Variants in PEAK1 observed in about 807,000 individuals in gnomAD.
PEAK1 encodes the protein inactive tyrosine-protein kinase PEAK1.
Under a neutral mutation model 124.7 loss-of-function variants are expected in PEAK1, and 54 were observed. The ratio of observed to expected loss-of-function variants is 0.43; its 90% CI spans 0.35 to 0.54. PEAK1 has a LOEUF of 0.54. Ranked by LOEUF, PEAK1 falls within the 20% of genes least tolerant of loss-of-function variation. The probability of loss-of-function intolerance (pLI) is 0.01; values close to 1 mark genes in which losing one functional copy is unlikely to be tolerated. For synonymous variants in PEAK1, 719 were observed against 760.0 expected (o/e 0.95, Z 0.89); for missense variants, 2,046 against 2,134.5 (o/e 0.96, Z 0.82).
intron 5 of PEAK1, among the ~76,000 whole-genome samples, chr15:77,261,454 C>T (rs1406319588): frequency 1.3e-5 from 2 of 152,030 alleles, no homozygotes; most frequent in East Asian, 3.8e-4. Context: ...AAAACCACGG[C>T]ACGAGAACTA....
chr15:77,199,420 C>A (rs2058256612), intron 6 of PEAK1, among the ~76,000 whole-genome samples: 1 of 152,104 alleles, frequency 6.6e-6, no homozygotes, highest in African/African-American at 2.4e-5. Context: ...ATACAAAGTT[C>A]CATGTGGAAA....
chr15:77,291,534 T>C (rs989480691), intron 2 of PEAK1, among the ~76,000 whole-genome samples: 9 of 152,184 alleles, frequency 5.9e-5, no homozygotes, highest in African/African-American at 1.7e-4. Flanking sequence ...AAGTGTGCTA[T>C]AGAGGATCAT....
Position 77,414,171 on chromosome 15 carries a change from C to T in PEAK1, c.-666+5835G>A, listed in dbSNP as rs560701102. Among the ~76,000 whole-genome samples the T allele has an allele frequency of 4.0e-5, 6 of 149,524 alleles. No homozygotes were observed. The East Asian group carries it at 1.2e-3, about 29-fold the overall frequency. On this transcript the variant is annotated intron_variant, in intron 1 of 9. Coordinates refer to ENST00000682557, the MANE Select transcript of PEAK1 (RefSeq NM_001385026.1). ...TTCCTTCCTTCCTTCTTTCTCTTTC[C>T]TTCCTTTCCTTCTGTCTTTCCTTCC...
At chr15:77,289,336 A>G (rs4592615) in intron 2 of PEAK1, among the ~76,000 whole-genome samples, 54,815 of 152,066 alleles carry the variant, frequency 0.36, 10,024 homozygotes, top group Non-Finnish European at 0.38. Context: ...TACTGAAATT[A>G]GAATAAGGTA....
In PEAK1 at chr15:77,368,013, G is replaced by C. The variant is rs551734391; in HGVS notation, c.-665-2788C>G. Among the ~76,000 whole-genome samples the C allele has an allele frequency of 5.9e-5, 9 of 152,240 alleles. No homozygotes were observed. The South Asian group carries it at 6.2e-4, about 11-fold the overall frequency. On this transcript the variant is annotated intron_variant, in intron 1 of 9. Transcript: ENST00000682557. ...CTTTACGCTGGCAAATGACAGGTAA[G>C]TTGTGACTATAAAAACTGTTTGGAT...
intron 2 of PEAK1, among the ~76,000 whole-genome samples, chr15:77,295,396 A>T (rs1410409455): frequency 6.6e-6 from 1 of 152,190 alleles, no homozygotes; most frequent in Non-Finnish European, 1.5e-5. Context: ...GTGAGAAGTG[A>T]TCTTCACTTT....
At chr15:77,240,076 G>C (rs958457288) in intron 6 of PEAK1, among the ~76,000 whole-genome samples, 1 of 152,144 alleles carries the variant, frequency 6.6e-6, no homozygotes, top group Non-Finnish European at 1.5e-5. Flanking sequence ...CAACCAGCTG[G>C]AGACAGCTCC....
At chr15:77,331,091 C>T (rs551197993) in intron 2 of PEAK1, 3 of 681,234 alleles carry the variant, frequency 4.4e-6, no homozygotes, top group African/African-American at 3.9e-5. Context: ...CTATGTAGTA[C>T]ATTGAATCAA....
intron 2 of PEAK1, among the ~76,000 whole-genome samples, chr15:77,313,726 G>GTGTGTGTGTATA (rs1462211130): frequency 2.8e-5 from 3 of 108,566 alleles, no homozygotes; most frequent in African/African-American, 1.0e-4. Context: ...GTGTGTGTGT[G>GTGTGTGTGTATA]TATATATATA....
chr15:77,286,665 T>C (rs2062946052), intron 2 of PEAK1, among the ~76,000 whole-genome samples, 161 bp from the exon 3 acceptor site: 1 of 152,202 alleles, frequency 6.6e-6, no homozygotes, highest in Non-Finnish European at 1.5e-5. Context: ...AGAGGTGTTT[T>C]AATTGGTTAA....
chr15:77,362,233 A>T, intron 2 of PEAK1, among the ~76,000 whole-genome samples: 1 of 152,180 alleles, frequency 6.6e-6, no homozygotes, highest in East Asian at 1.9e-4. Context: ...AACACAAAGA[A>T]ATGATAAATG....
chr15:77,144,600 G>A (rs1461458336), intron 8 of PEAK1, among the ~76,000 whole-genome samples: 1 of 152,200 alleles, frequency 6.6e-6, no homozygotes, highest in Non-Finnish European at 1.5e-5. Flanking sequence ...GGACAGCCAA[G>A]GTAGCAAGGA....
chr15:77,147,430 A>G (rs2054249151), intron 8 of PEAK1, among the ~76,000 whole-genome samples: 1 of 152,226 alleles, frequency 6.6e-6, no homozygotes, highest in Admixed American at 6.5e-5. Context: ...TGTAGAAGAT[A>G]TGAGTACTTG....
At chr15:77,213,924 C>T (rs1204776972) in intron 6 of PEAK1, among the ~76,000 whole-genome samples, 1 of 152,068 alleles carries the variant, frequency 6.6e-6, no homozygotes, top group East Asian at 1.9e-4. Flanking sequence ...TGTCCCTTTG[C>T]ACTTGATCCC....
chr15:77,394,679 A>G (rs1050351588), intron 1 of PEAK1, among the ~76,000 whole-genome samples: 3 of 152,218 alleles, frequency 2.0e-5, no homozygotes, highest in Non-Finnish European at 2.9e-5. Flanking sequence ...AGGGGTACAA[A>G]TAAGCCCAGA....
At chr15:77,314,136 C>A (rs532620464) in intron 2 of PEAK1, among the ~76,000 whole-genome samples, 33 of 150,658 alleles carry the variant, frequency 2.2e-4, no homozygotes, top group Middle Eastern at 3.4e-3. Context: ...CTGTGACCAT[C>A]AATTAATATG....
intron 5 of PEAK1, chr15:77,255,521 T>TGAGAACACAAGCCACATAGTGATACG: frequency 9.3e-6 from 3 of 323,156 alleles, no homozygotes; most frequent in Non-Finnish European, 4.5e-6. Context: ...ACAAGAAAAA[T>TGAGAACACAAGCCACATAGTGATACG]ATTCCCAAAA....
At chr15:77,420,885 T>C (rs2073304009), upstream of PEAK1, 1 of 398,696 alleles carries the variant, frequency 2.5e-6, no homozygotes, top group African/African-American at 2.1e-5. Flanking sequence ...AGAATTTTTG[T>C]CCAGCTGTGA....
chr15:77,405,634 C>A (rs16968827), intron 1 of PEAK1, among the ~76,000 whole-genome samples: 3,386 of 152,188 alleles, frequency 0.022, 137 homozygotes, highest in African/African-American at 0.077. Context: ...AATCCAGACG[C>A]TGAAGGCCCA....
Sources: gnomAD v4.1 joint callset for allele counts (sites outside exome capture counted in the v4.1 genomes callset) on GRCh38, gnomAD v4.1.1 for gene constraint, MANE v1.5 for transcripts, NCBI Gene and HGNC (gene_info 2026-07-23, HGNC 2026-07-21) for gene names.